The following ANKHD1 variants were observed in gnomAD, a reference collection of about 807,000 sequenced individuals.
ANKHD1 encodes ankyrin repeat and KH domain containing 1.
A neutral mutation model predicts 230.5 loss-of-function variants in ANKHD1; 31 were observed. The observed-to-expected ratio is 0.13, with a 90% CI of 0.10 to 0.18. ANKHD1 has a LOEUF of 0.18. ANKHD1 is among the 10% of genes least tolerant of loss of function. The pLI, the probability that ANKHD1 is intolerant of heterozygous loss-of-function variation, is 1.00. For missense variants in ANKHD1, 2,256 were observed against 3,071.3 expected, an observed-to-expected ratio of 0.73 and a Z score of 6.27; for synonymous variants, 1,074 against 1,117.6, an observed-to-expected ratio of 0.96 and a Z score of 0.78.
At chr5:140,538,301 G>A (rs1340878394) in intron 32 of ANKHD1, 40 bp downstream of exon 32, 3 of 1,604,924 alleles carry the variant, frequency 1.9e-6, no homozygotes, top group Non-Finnish European at 2.6e-6. Context: ...TTGACACTTT[G>A]TCAGCCAATG....
intron 1 of ANKHD1, among the ~76,000 whole-genome samples, chr5:140,416,764 T>G (rs911033305): frequency 6.6e-6 from 1 of 152,170 alleles, no homozygotes; most frequent in East Asian, 1.9e-4. Flanking sequence ...GGATTACAAG[T>G]GTGAGGCACC....
intron 7 of ANKHD1, among the ~76,000 whole-genome samples, chr5:140,449,829 A>G (rs893195279): frequency 6.6e-6 from 1 of 152,208 alleles, no homozygotes; most frequent in African/African-American, 2.4e-5. Context: ...GATAGTAGAC[A>G]TAGTTCTAGT....
At chr5:140,417,162 C>A (rs906802411) in intron 1 of ANKHD1, among the ~76,000 whole-genome samples, 2 of 151,822 alleles carry the variant, frequency 1.3e-5, no homozygotes, top group Non-Finnish European at 2.9e-5. Context: ...GATTTATCCT[C>A]ATATTGACTA....
chr5:140,451,449 A>G (rs1045024392), intron 7 of ANKHD1, among the ~76,000 whole-genome samples: 34 of 152,348 alleles, frequency 2.2e-4, no homozygotes, highest in Middle Eastern at 3.4e-3. Context: ...AGGCTGGGCT[A>G]GTCAGTTAAG....
At position 140,429,344 on chromosome 5, in the gene ANKHD1, G is replaced by A. The variant is rs536600826; in HGVS notation, c.307-6760G>A. ...CCTGACCTTGTGATCCACCCGCCTCGGCCTCCCAAAGTGCTGGGATTACAG... is the reference window on the plus strand; with the variant it reads ...CCTGACCTTGTGATCCACCCGCCTCAGCCTCCCAAAGTGCTGGGATTACAG... On this transcript the variant is annotated intron_variant, in intron 1 of 33. Transcript: ENST00000360839. 7.9e-5 allele frequency among the ~76,000 whole-genome samples: 12 copies of A among 152,040 alleles called. No homozygotes were observed. The South Asian group carries it at 1.2e-3, about 16-fold the overall frequency.
chr5:140,500,736 G>T (rs1241459755), intron 15 of ANKHD1, among the ~76,000 whole-genome samples: 1 of 151,506 alleles, frequency 6.6e-6, no homozygotes, highest in Non-Finnish European at 1.5e-5. Flanking sequence ...ACTCAGTTCA[G>T]CCAAGTTTAA....
intron 10 of ANKHD1, among the ~76,000 whole-genome samples, chr5:140,468,246 A>G (rs1240246808): frequency 6.7e-6 from 1 of 148,442 alleles, no homozygotes; most frequent in Non-Finnish European, 1.5e-5. Context: ...CCTGGGTGAC[A>G]GGGCAAGACT....
chr5:140,515,927 C>T (rs908795594), intron 24 of ANKHD1, among the ~76,000 whole-genome samples: 5 of 152,170 alleles, frequency 3.3e-5, no homozygotes, highest in South Asian at 2.1e-4. Flanking sequence ...TCACCAGCAA[C>T]GGAACAAAGC....
At position 140,485,846 on chromosome 5, in the gene ANKHD1, T is replaced by C. The variant is rs1422992335; in HGVS notation, c.2142+114T>C. ...ACTTGTTTTTATTCTCTGTTACATATTGAGAAAATCATGACTCTAAATTCT... is the reference window on the plus strand; with the variant it reads ...ACTTGTTTTTATTCTCTGTTACATACTGAGAAAATCATGACTCTAAATTCT... On this transcript the variant is annotated intron_variant, in intron 13 of 33. Transcript: ENST00000360839. This position sits in a 1 kb window ranked among gnomAD's most constrained non-coding sequence, Gnocchi z 4.8. The C allele has an allele frequency of 2.8e-6, 4 of 1,417,314 alleles. No individual in the cohort carries two copies. Among genetic ancestry groups the C allele is most frequent in the South Asian group, 1.4e-5 (1 of 73,998 alleles). The allele number at this position is 1,417,314 out of a possible 1,614,324, so 87.8% of individuals were successfully genotyped here. A position where few individuals can be genotyped will look rare whatever the true frequency, so the allele number is the denominator to read the frequency against.
Position 140,527,832 on chromosome 5 carries a change from C to A in ANKHD1, c.5088-41C>A, listed in dbSNP as rs766731009. 2 of 1,571,206 alleles carry A rather than the reference C, an allele frequency of 1.3e-6. No individual in the cohort carries two copies. Among genetic ancestry groups the A allele is most frequent in the Non-Finnish European group, 1.7e-6 (2 of 1,158,094 alleles). ...TAAGACATCTTTCTTAATAAAGAGA[C>A]ATTTAATTTCATAAGCTCATGTGTA... is the stretch of plus-strand genomic sequence containing the variant. On this transcript the variant is annotated intron_variant, in intron 27 of 33. Transcript: ENST00000360839. This position sits in a 1 kb window ranked among gnomAD's most constrained non-coding sequence, Gnocchi z 4.5.
At position 140,496,467 on chromosome 5, in the gene ANKHD1, T is replaced by TC. The variant is rs1451509257; in HGVS notation, c.2246-53_2246-52insC. ...TCTTTTTTTTTTTTCTTTTCTTTTT[T>TC]TTTTTTTTTTTTTTTAGCATGGCAC... On this transcript the variant is annotated intron_variant, in intron 14 of 33. Coordinates refer to ENST00000360839, the MANE Select transcript of ANKHD1 (RefSeq NM_017747.3). 8 of 1,048,068 alleles carry TC rather than the reference T, an allele frequency of 7.6e-6. No homozygotes were observed. The African/African-American group carries it at 1.2e-4, about 16-fold the overall frequency. 64.9% of individuals were successfully genotyped at this position (1,048,068 alleles called of 1,614,324 possible). A position where few individuals can be genotyped will look rare whatever the true frequency, so the allele number is the denominator to read the frequency against.
In ANKHD1 at chr5:140,485,462, T is replaced by A; in HGVS notation, c.1999-127T>A. ...TGTATATATATATAAATAATATGTG[T>A]ATAGTTATAAAAATATGTTTGATCT... On this transcript the variant is annotated intron_variant, in intron 12 of 33. Coordinates refer to ENST00000360839, the MANE Select transcript of ANKHD1 (RefSeq NM_017747.3). This position sits in a 1 kb window ranked among gnomAD's most constrained non-coding sequence, Gnocchi z 4.8. 7.7e-7 allele frequency: 1 copy of A among 1,299,304 alleles called. No individual in the cohort carries two copies. The allele number at this position is 1,299,304 out of a possible 1,614,324, so 80.5% of individuals were successfully genotyped here.
At position 140,507,067 on chromosome 5, in the gene ANKHD1, T is replaced by G; in HGVS notation, c.3551+90T>G. Reference sequence around the variant, plus strand: ...TCTTAACGTTTAGACAGATACATTTTAAATTAAGATAGTACTAAAGTTGCA... The same window carrying G: ...TCTTAACGTTTAGACAGATACATTTGAAATTAAGATAGTACTAAAGTTGCA... On this transcript the variant is annotated intron_variant, in intron 19 of 33. Coordinates refer to ENST00000360839, the MANE Select transcript of ANKHD1 (RefSeq NM_017747.3). This position sits in a 1 kb window ranked among gnomAD's most constrained non-coding sequence, Gnocchi z 4.1. 9 of 1,524,864 alleles carry G rather than the reference T, an allele frequency of 5.9e-6. No individual in the cohort carries two copies. The South Asian group carries it at 1.2e-4, about 20-fold the overall frequency. 94.5% of individuals were successfully genotyped at this position (1,524,864 alleles called of 1,614,324 possible). A position where few individuals can be genotyped will look rare whatever the true frequency, so the allele number is the denominator to read the frequency against.
At chr5:140,448,399 G>A (rs964177296) in intron 6 of ANKHD1, among the ~76,000 whole-genome samples, 5 of 152,086 alleles carry the variant, frequency 3.3e-5, no homozygotes, top group African/African-American at 1.2e-4. Context: ...TAAATTCCTG[G>A]AAGTGGAATT....
At chr5:140,508,865 T>C (rs1400973740) in intron 20 of ANKHD1, among the ~76,000 whole-genome samples, 1 of 151,022 alleles carries the variant, frequency 6.6e-6, no homozygotes, top group Non-Finnish European at 1.5e-5. Flanking sequence ...TAGTATGTCA[T>C]TGGCTTGAAT....
At chr5:140,538,003 G>A in intron 31 of ANKHD1, 83 bp from the exon 32 acceptor site, 2 of 1,505,146 alleles carry the variant, frequency 1.3e-6, no homozygotes, top group Non-Finnish European at 8.9e-7. Flanking sequence ...GTAACATTTG[G>A]TCATGTTTGG....
At chr5:140,405,250 C>T (rs974698939) in intron 1 of ANKHD1, among the ~76,000 whole-genome samples, 2 of 152,058 alleles carry the variant, frequency 1.3e-5, no homozygotes, top group African/African-American at 2.4e-5. Context: ...ATGGAAGTTT[C>T]TAGGATACCC....
At chr5:140,424,835 C>T (rs1772275152) in intron 1 of ANKHD1, among the ~76,000 whole-genome samples, 1 of 152,184 alleles carries the variant, frequency 6.6e-6, no homozygotes, top group Admixed American at 6.5e-5. Context: ...TCACTTCATC[C>T]ACTTTGGTGT....
intron 6 of ANKHD1, 133 bp downstream of exon 6, chr5:140,446,108 T>C: frequency 1.1e-6 from 1 of 906,074 alleles, no homozygotes; most frequent in Non-Finnish European, 1.5e-6. Context: ...TTATAAGAAA[T>C]TATATAGAAA....
Sources: allele counts gnomAD v4.1 joint callset (sites outside exome capture counted in the v4.1 genomes callset), GRCh38; gene constraint gnomAD v4.1.1; non-coding constraint Gnocchi (gnomAD v3.1); transcripts MANE v1.5; gene names NCBI Gene and HGNC (gene_info 2026-07-23, HGNC 2026-07-21).